The following TARS3 variants were observed in gnomAD, a reference collection of about 807,000 sequenced individuals.
The protein encoded by TARS3 is threonyl-tRNA synthetase 3.
Under a neutral mutation model 103.5 loss-of-function variants are expected in TARS3, and 94 were observed. That is an observed-to-expected ratio of 0.91 (90% CI 0.77 to 1.08). TARS3 has a LOEUF of 1.08. Among genes scored for constraint, TARS3 ranks in the 50% least tolerant of loss-of-function variants. TARS3 has a pLI of 0.00. For missense variants in TARS3, 952 were observed against 995.2 expected (o/e 0.96, Z 0.58); for synonymous variants, 416 against 355.4 (o/e 1.17, Z -1.92).
At chr15:101,712,875 T>G (rs936472418) in intron 4 of TARS3, among the ~76,000 whole-genome samples, 1 of 152,228 alleles carries the variant, frequency 6.6e-6, no homozygotes, top group African/African-American at 2.4e-5. Flanking sequence ...TGGAGCACTA[T>G]GTGCAATCCC....
rs560177648 is a variant in TARS3, at chr15:101,717,701, C to T, written c.567-2738G>A. On this transcript the variant is annotated intron_variant, in intron 3 of 18. Transcript: ENST00000335968. The stretch of plus-strand genomic sequence containing the variant: ...AACGGCAACATTGTACCAGACAAAT[C>T]AGCAACAAGATGGGAGAAATCTGGG... Among the ~76,000 whole-genome samples the T allele has an allele frequency of 1.3e-3, 204 of 152,322 alleles. 2 individuals carry two copies. Among genetic ancestry groups the T allele is most frequent in the African/African-American group, 4.8e-3 (199 of 41,562 alleles).
chr15:101,671,459 T>C, intron 15 of TARS3, 27 bp downstream of exon 15: 1 of 1,526,486 alleles, frequency 6.6e-7, no homozygotes, highest in Non-Finnish European at 9.0e-7. Context: ...ATTAGTACTA[T>C]AATATTTATC....
At chr15:101,703,024 G>C (rs1267049478) in intron 8 of TARS3, among the ~76,000 whole-genome samples, 1 of 152,102 alleles carries the variant, frequency 6.6e-6, no homozygotes, top group Non-Finnish European at 1.5e-5. Context: ...AGTAAAGGTC[G>C]GTCTTGCTGA....
At chr15:101,714,559 T>C (rs1450684488) in intron 4 of TARS3, 3 of 145,010 alleles carry the variant, frequency 2.1e-5, no homozygotes, top group South Asian at 3.8e-4. Flanking sequence ...TGAGCCGTGA[T>C]TGCGCCACTG....
chr15:101,660,691 A>C (rs1035745795), intron 16 of TARS3, among the ~76,000 whole-genome samples: 3 of 152,184 alleles, frequency 2.0e-5, no homozygotes, highest in Admixed American at 1.3e-4. Flanking sequence ...GATCACAATT[A>C]ATCACTGACT....
At position 101,669,348 on chromosome 15, in the gene TARS3, A is replaced by C. The variant is rs558796374; in HGVS notation, c.1967+2138T>G. ...GGTAAGTGCTATAATAAAAGATTCA[A>C]AAGTTTTAAAATGTCAAAAATGTAT... is the stretch of plus-strand genomic sequence containing the variant. On this transcript the variant is annotated intron_variant, in intron 15 of 18. Transcript: ENST00000335968. Among the ~76,000 whole-genome samples, 14 of 152,370 alleles carry C rather than the reference A, an allele frequency of 9.2e-5. No homozygotes were observed. The South Asian group carries it at 2.7e-3, about 29-fold the overall frequency.
chr15:101,669,450 A>G lies in TARS3; in HGVS notation c.1967+2036T>C, dbSNP rs182356560. 3.3e-5 allele frequency among the ~76,000 whole-genome samples: 5 copies of G among 152,356 alleles called. No homozygotes were observed. The East Asian group carries it at 9.6e-4, about 29-fold the overall frequency. ...ATTATTTAAATTTAGTGTAGCCTAA[A>G]TGTACAGTGTTTATAATGTCTACAG... On this transcript the variant is annotated intron_variant, in intron 15 of 18. Coordinates refer to ENST00000335968, the MANE Select transcript of TARS3 (RefSeq NM_152334.3).
At chr15:101,711,238 A>G (rs544396031) in intron 5 of TARS3, among the ~76,000 whole-genome samples, 26 of 152,362 alleles carry the variant, frequency 1.7e-4, no homozygotes, top group African/African-American at 6.3e-4. Flanking sequence ...TGGGGACAAA[A>G]AAGAAAACAA....
chr15:101,666,379 G>C (rs1172830636), intron 15 of TARS3, among the ~76,000 whole-genome samples: 12 of 151,068 alleles, frequency 7.9e-5, no homozygotes, highest in Admixed American at 7.9e-4. Flanking sequence ...AGGAGGCTGA[G>C]GCAGAAGAAT....
intron 12 of TARS3, among the ~76,000 whole-genome samples, chr15:101,677,363 C>T (rs1463544361): frequency 6.6e-6 from 1 of 152,164 alleles, no homozygotes; most frequent in Non-Finnish European, 1.5e-5. Flanking sequence ...TTTATTTTCT[C>T]CTGTTCTCAG....
Position 101,722,338 on chromosome 15 carries a change from T to C in TARS3, c.369+755A>G, listed in dbSNP as rs184169262. On this transcript the variant is annotated intron_variant, in intron 2 of 18. Coordinates refer to ENST00000335968, the MANE Select transcript of TARS3 (RefSeq NM_152334.3). ...TACAGCACTTACTTGTATACCATCGTACTCTGTTCTCTAGTTGTTTGTCCT... is the reference window on the plus strand; with the variant it reads ...TACAGCACTTACTTGTATACCATCGCACTCTGTTCTCTAGTTGTTTGTCCT... 1.5e-4 allele frequency among the ~76,000 whole-genome samples: 23 copies of C among 151,976 alleles called. No individual in the cohort carries two copies. The East Asian group carries it at 4.1e-3, about 27-fold the overall frequency.
chr15:101,654,474 G>A lies in TARS3; in HGVS notation c.*108C>T, dbSNP rs1376051061. Reference sequence around the variant, plus strand: ...TCTCCTTTCTCAGCTGAGGCCATGAGTGGACCCATCAGTGGCTCCAAAGTC... The same window carrying A: ...TCTCCTTTCTCAGCTGAGGCCATGAATGGACCCATCAGTGGCTCCAAAGTC... On this transcript the variant is annotated 3_prime_UTR_variant, in exon 19 of 19. Transcript: ENST00000335968. The A allele has an allele frequency of 1.7e-6, 2 of 1,155,942 alleles. No homozygotes were observed. Among genetic ancestry groups the A allele is most frequent in the Admixed American group, 2.5e-5 (1 of 39,284 alleles). The allele number at this position is 1,155,942 out of a possible 1,614,324, so 71.6% of individuals were successfully genotyped here.
At chr15:101,661,354 G>T (rs547378548) in intron 16 of TARS3, among the ~76,000 whole-genome samples, 149 of 151,272 alleles carry the variant, frequency 9.8e-4, no homozygotes, top group Non-Finnish European at 1.5e-3. Flanking sequence ...GCAAGAGGTG[G>T]TACCTAGGAG....
Position 101,709,764 on chromosome 15 carries a change from C to G in TARS3, c.813-854G>C, listed in dbSNP as rs539410083. Among the ~76,000 whole-genome samples, 11 of 152,326 alleles carry G rather than the reference C, an allele frequency of 7.2e-5. 1 individual carries two copies. In the South Asian group the frequency reaches 2.3e-3, roughly 32 times the overall value. On this transcript the variant is annotated intron_variant, in intron 5 of 18. Coordinates refer to ENST00000335968, the MANE Select transcript of TARS3 (RefSeq NM_152334.3). Reference sequence around the variant, plus strand: ...CACCCAGCACAGAGCACACAGCAGGCAGCAAAAACATCTTGTTGAACGAAT... The same window carrying G: ...CACCCAGCACAGAGCACACAGCAGGGAGCAAAAACATCTTGTTGAACGAAT...
intron 1 of TARS3, among the ~76,000 whole-genome samples, chr15:101,723,777 T>A (rs971781707): frequency 2.0e-5 from 3 of 152,238 alleles, no homozygotes; most frequent in African/African-American, 7.2e-5. Flanking sequence ...AGAATGAGTT[T>A]TAAACACTCC....
intron 12 of TARS3, among the ~76,000 whole-genome samples, chr15:101,683,630 A>C (rs1898345439): frequency 6.6e-6 from 1 of 152,208 alleles, no homozygotes; most frequent in African/African-American, 2.4e-5. Context: ...AGCACATTGG[A>C]TACAACACTG....
At chr15:101,704,419 C>A (rs1596318942) in intron 7 of TARS3, among the ~76,000 whole-genome samples, 1 of 152,094 alleles carries the variant, frequency 6.6e-6, no homozygotes, top group East Asian at 1.9e-4. Context: ...CTTTGGGAGG[C>A]CGAGGCGGGT....
intron 3 of TARS3, among the ~76,000 whole-genome samples, chr15:101,717,017 C>T (rs11633873): frequency 0.32 from 48,735 of 151,944 alleles, 9,629 homozygotes; most frequent in Non-Finnish European, 0.45. Flanking sequence ...CCACCATGTC[C>T]GGCTACTTTT....
rs1177958536 is a variant in TARS3, at chr15:101,715,159, T to G, written c.567-196A>C. On this transcript the variant is annotated intron_variant, in intron 3 of 18. Transcript: ENST00000335968. ...TAATATACATTCACTGTTTTTTTTT[T>G]TTTTTGAGACGGAGTCTCGCTCTGT... is the stretch of plus-strand genomic sequence containing the variant. Among the ~76,000 whole-genome samples, 9 of 151,608 alleles carry G rather than the reference T, an allele frequency of 5.9e-5. No individual in the cohort carries two copies. The East Asian group carries it at 9.6e-4, about 16-fold the overall frequency.
Sources: gnomAD v4.1 joint callset for allele counts (sites outside exome capture counted in the v4.1 genomes callset) on GRCh38, gnomAD v4.1.1 for gene constraint, MANE v1.5 for transcripts, NCBI Gene and HGNC (gene_info 2026-07-23, HGNC 2026-07-21) for gene names.